PNPLA3: variants seen among roughly 807,000 people sequenced by gnomAD.
PNPLA3 encodes the protein 1-acylglycerol-3-phosphate O-acyltransferase PNPLA3.
Under a neutral mutation model 43.1 loss-of-function variants are expected in PNPLA3, and 42 were observed. The observed-to-expected ratio is 0.97, with a 90% CI of 0.76 to 1.26. The LOEUF is 1.26. Ranked by LOEUF, PNPLA3 falls within the 50% of genes most tolerant of loss-of-function variation. The pLI, the probability that PNPLA3 is intolerant of heterozygous loss-of-function variation, is 0.00. For synonymous variants in PNPLA3, 272 were observed against 253.6 expected (o/e 1.07, Z -0.69); for missense variants, 647 against 621.4 (o/e 1.04, Z -0.44).
In PNPLA3 at chr22:43,923,890, C is replaced by T. The variant is rs2049902357; in HGVS notation, c.-22C>T. 1.3e-6 allele frequency: 2 copies of T among 1,492,336 alleles called. No homozygotes were observed. Among genetic ancestry groups the T allele is most frequent in the Non-Finnish European group, 1.8e-6 (2 of 1,127,546 alleles). The allele number at this position is 1,492,336 out of a possible 1,614,324, so 92.4% of individuals were successfully genotyped here. ...ATCCCGACCCAGATCCTAACCCGCGCCCCCGCCCCGCCGCCGCCGCCATGT... is the reference window on the plus strand; with the variant it reads ...ATCCCGACCCAGATCCTAACCCGCGTCCCCGCCCCGCCGCCGCCGCCATGT... On this transcript the variant is annotated 5_prime_UTR_variant, in exon 1 of 9. Coordinates refer to ENST00000216180, the MANE Select transcript of PNPLA3 (RefSeq NM_025225.3).
Position 43,947,089 on chromosome 22 carries a change from T to C in PNPLA3, c.*707T>C, listed in dbSNP as rs2008451. 40,890 of 210,658 alleles carry C rather than the reference T, an allele frequency of 0.19. 4,788 individuals carry two copies. The highest frequency in any genetic ancestry group is 0.39 in the East Asian group (2,518 of 6,440). 13.0% of individuals were successfully genotyped at this position (210,658 alleles called of 1,614,324 possible). A position where few individuals can be genotyped will look rare whatever the true frequency, so the allele number is the denominator to read the frequency against. ...AAAAAAAAAAATCGGTTGGGTGCAG[T>C]GGCACACGGCTGTAATCCCAGCACT... On this transcript the variant is annotated 3_prime_UTR_variant, in exon 9 of 9. Transcript: ENST00000216180.
intron 1 of PNPLA3, chr22:43,924,472 G>T: frequency 4.6e-6 from 1 of 216,598 alleles, no homozygotes; most frequent in Non-Finnish European, 9.1e-6. Flanking sequence ...TGGCCCCTGC[G>T]GACTCCGGGT....
At chr22:43,946,104 A>T in intron 8 of PNPLA3, 50 bp from the exon 9 acceptor site, 1 of 1,560,296 alleles carries the variant, frequency 6.4e-7, no homozygotes, top group Non-Finnish European at 8.8e-7. Flanking sequence ...CAGACTGCAC[A>T]CTGCAGCAGC....
intron 1 of PNPLA3, among the ~76,000 whole-genome samples, chr22:43,925,949 A>G (rs2049919179): frequency 1.3e-5 from 2 of 152,182 alleles, no homozygotes; most frequent in African/African-American, 4.8e-5. Flanking sequence ...TTTCCCAGGC[A>G]GGACACAGGG....
chr22:43,935,098 C>G (rs1443740706), intron 5 of PNPLA3, among the ~76,000 whole-genome samples: 1 of 152,194 alleles, frequency 6.6e-6, no homozygotes. Context: ...TGGGTCCAAG[C>G]CCACTAGACA....
At chr22:43,933,593 C>T (rs1353238826) in intron 4 of PNPLA3, among the ~76,000 whole-genome samples, 1 of 152,038 alleles carries the variant, frequency 6.6e-6, no homozygotes, top group Non-Finnish European at 1.5e-5. Flanking sequence ...AGGCTGGTCT[C>T]ACACTCCTGG....
rs563753915 is a variant in PNPLA3 at position 43,939,999 on chromosome 22, G to C, written c.986G>C (p.Ser329Thr). Residue 329 changes from serine (S) to threonine (T), a missense_variant, in exon 7 of 9, where the codon AGT (serine) becomes ACT (threonine). Coordinates refer to ENST00000216180, the MANE Select transcript of PNPLA3 (RefSeq NM_025225.3). ...TLSPRLATAL[S>T]EEMKDKGGYM... ...TCCAAATTGTCTTTTTCAGCACTGA[G>C]TGAAGAAATGAAAGACAAAGGTGGA... The C allele has an allele frequency of 6.8e-6, 11 of 1,614,184 alleles. No homozygotes were observed. The highest frequency in any genetic ancestry group is 5.3e-5 in the African/African-American group (4 of 75,048).
intron 3 of PNPLA3, among the ~76,000 whole-genome samples, chr22:43,929,344 T>G (rs1247542322): frequency 6.6e-6 from 1 of 151,682 alleles, no homozygotes; most frequent in Non-Finnish European, 1.5e-5. Context: ...GGCATGGTGG[T>G]GTGCACCTGT....
rs1447943968 is a variant in PNPLA3 at position 43,947,192 on chromosome 22, C to G, written c.*810C>G. 1 of 163,766 alleles carries G rather than the reference C, an allele frequency of 6.1e-6. No individual in the cohort carries two copies. 10.1% of individuals were successfully genotyped at this position (163,766 alleles called of 1,614,324 possible). A position where few individuals can be genotyped will look rare whatever the true frequency, so the allele number is the denominator to read the frequency against. Reference sequence around the variant, plus strand: ...TGGCCAACATAGCAAAACCCTGTCTCTACTAAAAATACAAAAATTATCTGG... The same window carrying G: ...TGGCCAACATAGCAAAACCCTGTCTGTACTAAAAATACAAAAATTATCTGG... On this transcript the variant is annotated 3_prime_UTR_variant, in exon 9 of 9. Transcript: ENST00000216180.
intron 3 of PNPLA3, 104 bp downstream of exon 3, chr22:43,928,993 C>A: frequency 8.5e-7 from 1 of 1,181,474 alleles, no homozygotes; most frequent in Non-Finnish European, 1.3e-6. Flanking sequence ...CAGGGTCTGT[C>A]CCATGGTGGA....
intron 3 of PNPLA3, among the ~76,000 whole-genome samples, chr22:43,929,340 G>T (rs1213855316): frequency 6.6e-6 from 1 of 151,798 alleles, no homozygotes; most frequent in African/African-American, 2.4e-5. Context: ...GCTGGGCATG[G>T]TGGTGTGCAC....
At chr22:43,935,465 G>A (rs887884067) in intron 5 of PNPLA3, among the ~76,000 whole-genome samples, 3 of 152,168 alleles carry the variant, frequency 2.0e-5, no homozygotes, top group Non-Finnish European at 4.4e-5. Context: ...AGAAGGCACA[G>A]GTGTCAAGGA....
chr22:43,936,057 A>G (rs1247598239), intron 5 of PNPLA3, among the ~76,000 whole-genome samples: 1 of 152,174 alleles, frequency 6.6e-6, no homozygotes, highest in Non-Finnish European at 1.5e-5. Context: ...AGAAGAGCGC[A>G]GTCCCGGCTT....
At chr22:43,927,236 T>G in intron 2 of PNPLA3, 69 bp downstream of exon 2, 1 of 1,446,352 alleles carries the variant, frequency 6.9e-7, no homozygotes, top group Non-Finnish European at 9.6e-7. Context: ...TGGTGGCTCA[T>G]GCCTGTCATC....
intron 6 of PNPLA3, chr22:43,939,410 T>C (rs1415695548): frequency 2.0e-6 from 2 of 981,154 alleles, no homozygotes; most frequent in Non-Finnish European, 2.4e-6. Context: ...CTTCCAAACA[T>C]ATTTGTCAAT....
At chr22:43,944,896 A>G in intron 8 of PNPLA3, 101 bp downstream of exon 8, 5 of 1,061,314 alleles carry the variant, frequency 4.7e-6, no homozygotes, top group Non-Finnish European at 7.2e-6. Flanking sequence ...ACACCAAGCA[A>G]GGAGCTTGCC....
intron 7 of PNPLA3, among the ~76,000 whole-genome samples, chr22:43,941,775 T>C (rs1371609871): frequency 6.6e-6 from 1 of 151,600 alleles, no homozygotes; most frequent in Non-Finnish European, 1.5e-5. Flanking sequence ...TGTCTGACAG[T>C]GGAGGGCACT....
At chr22:43,934,518 TG>T in intron 4 of PNPLA3, 87 bp from the exon 5 acceptor site, 3 of 1,329,700 alleles carry the variant, frequency 2.3e-6, no homozygotes, top group Non-Finnish European at 3.2e-6. Flanking sequence ...CATGATTCTT[TG>T]GTGCTCTCTG....
Position 43,925,514 on chromosome 22 carries a change from A to G in PNPLA3, c.187+1416A>G, listed in dbSNP as rs547575264. 5.6e-4 allele frequency among the ~76,000 whole-genome samples: 85 copies of G among 152,174 alleles called. No individual in the cohort carries two copies. In the East Asian group the frequency reaches 0.015, roughly 27 times the overall value. On this transcript the variant is annotated intron_variant, in intron 1 of 8. Coordinates refer to ENST00000216180, the MANE Select transcript of PNPLA3 (RefSeq NM_025225.3). The stretch of plus-strand genomic sequence containing the variant: ...CCCTTTTATCTGGGCTTCCTTAACA[A>G]TGGACTCTTTGCCCTGCCTGCCAGA...
Sources: gnomAD v4.1 joint callset for allele counts (sites outside exome capture counted in the v4.1 genomes callset) on GRCh38, gnomAD v4.1.1 for gene constraint, MANE v1.5 for transcripts, NCBI Gene and HGNC (gene_info 2026-07-23, HGNC 2026-07-21) for gene names.